The following ARHGEF28 variants were observed in gnomAD, a reference collection of about 807,000 sequenced individuals.
ARHGEF28 encodes the protein Rho guanine nucleotide exchange factor 28.
A neutral mutation model predicts 206.6 loss-of-function variants in ARHGEF28; 152 were observed. The observed-to-expected ratio is 0.74, with a 90% CI of 0.64 to 0.84. The LOEUF is 0.84. Among genes scored for constraint, ARHGEF28 ranks in the 40% least tolerant of loss-of-function variants. The probability of loss-of-function intolerance (pLI) is 0.00; values close to 1 mark genes in which losing one functional copy is unlikely to be tolerated. For synonymous variants in ARHGEF28, 763 were observed against 776.4 expected (o/e 0.98, Z 0.29); for missense variants, 2,028 against 2,073.2 (o/e 0.98, Z 0.42).
At chr5:73,640,331 A>C (rs1743993371) in intron 1 of ARHGEF28, among the ~76,000 whole-genome samples, 2 of 152,194 alleles carry the variant, frequency 1.3e-5, no homozygotes, top group Non-Finnish European at 2.9e-5. Flanking sequence ...CAATGTGAAA[A>C]GCCCCTAAGA....
At chr5:73,764,310 G>A (rs1340441762) in intron 4 of ARHGEF28, among the ~76,000 whole-genome samples, 1 of 152,122 alleles carries the variant, frequency 6.6e-6, no homozygotes, top group Non-Finnish European at 1.5e-5. Flanking sequence ...TTATACTGGT[G>A]GCTATATGCA....
chr5:73,885,861 G>A lies in ARHGEF28; in HGVS notation c.3067G>A (p.Glu1023Lys). Reference protein sequence around the residue: ...ILQYTKERTEEHKDLRKALCL... With the variant: ...ILQYTKERTEKHKDLRKALCL... ...TTTTTCCCACGCAGAAAGAACTGAG[G>A]AACATAAAGACTTACGCAAAGCGCT... Residue 1023 changes from glutamate to lysine, a missense_variant, in exon 25 of 36, where the codon GAA becomes AAA. Glu to Lys is a moderately conservative substitution (Grantham distance 56). Transcript: ENST00000513042. 1 of 1,608,034 alleles carries A rather than the reference G, an allele frequency of 6.2e-7. No homozygotes were observed. Among genetic ancestry groups the A allele is most frequent in the Non-Finnish European group, 8.5e-7 (1 of 1,177,690 alleles).
At chr5:73,679,885 G>A (rs763296716) in intron 1 of ARHGEF28, among the ~76,000 whole-genome samples, 14 of 152,012 alleles carry the variant, frequency 9.2e-5, no homozygotes, top group Non-Finnish European at 1.6e-4. Flanking sequence ...TGGTTACTTC[G>A]CATCTCATTA....
intron 24 of ARHGEF28, 90 bp from the exon 25 acceptor site, chr5:73,885,760 A>G (rs1047795437): frequency 1.6e-5 from 21 of 1,303,312 alleles, no homozygotes; most frequent in East Asian, 5.0e-5. Flanking sequence ...ACATTTAACT[A>G]TATTTTAAAA....
chr5:73,846,389 T>C lies in ARHGEF28; in HGVS notation c.1549T>C (p.Leu517=). 2 of 1,613,976 alleles carry C rather than the reference T, an allele frequency of 1.2e-6. No individual in the cohort carries two copies. The highest frequency in any genetic ancestry group is 1.7e-6 in the Non-Finnish European group (2 of 1,179,864). ...SRTGIPSGDE[L]DSFETNTEPD... ...AACTGGGATTCCTAGTGGGGATGAATTGGACTCTTTTGAGACTAACACTGA... is the reference window on the plus strand; with the variant it reads ...AACTGGGATTCCTAGTGGGGATGAACTGGACTCTTTTGAGACTAACACTGA... The change falls in exon 12 of 36, where the codon TTG becomes CTG. Residue 517 remains leucine, a synonymous_variant. Transcript: ENST00000513042.
chr5:73,794,591 C>A, intron 8 of ARHGEF28, 137 bp downstream of exon 8: 1 of 733,448 alleles, frequency 1.4e-6, no homozygotes, highest in Non-Finnish European at 2.2e-6. Context: ...ATGTGAAATT[C>A]TGTTTTCTTT....
At chr5:73,741,641 A>C (rs1463839934) in intron 2 of ARHGEF28, among the ~76,000 whole-genome samples, 1 of 132,368 alleles carries the variant, frequency 7.6e-6, no homozygotes, top group Non-Finnish European at 1.6e-5. Flanking sequence ...GGCTAGTCTC[A>C]AACTCCCGAC....
chr5:73,741,050 A>G (rs1751348028), intron 2 of ARHGEF28, among the ~76,000 whole-genome samples: 1 of 152,138 alleles, frequency 6.6e-6, no homozygotes, highest in Non-Finnish European at 1.5e-5. Flanking sequence ...TACCCAAGCC[A>G]GTACATTTCC....
chr5:73,807,424 C>T (rs181236764), intron 9 of ARHGEF28, among the ~76,000 whole-genome samples: 8,127 of 151,816 alleles, frequency 0.054, 287 homozygotes, highest in African/African-American at 0.096. Flanking sequence ...TTAAGATATT[C>T]ATCTAGGTAG....
intron 1 of ARHGEF28, among the ~76,000 whole-genome samples, chr5:73,629,423 C>A (rs567719853): frequency 1.3e-5 from 2 of 150,866 alleles, no homozygotes; most frequent in African/African-American, 2.4e-5. Flanking sequence ...GGGAGGATAG[C>A]TTGAGTTGGG....
At chr5:73,659,399 G>A (rs1480006719) in intron 1 of ARHGEF28, among the ~76,000 whole-genome samples, 12 of 152,178 alleles carry the variant, frequency 7.9e-5, no homozygotes, top group East Asian at 1.9e-4. Flanking sequence ...GCATGGTGGC[G>A]GGCACCTGTA....
At chr5:73,661,000 C>T (rs553475163) in intron 1 of ARHGEF28, among the ~76,000 whole-genome samples, 26 of 152,304 alleles carry the variant, frequency 1.7e-4, no homozygotes, top group African/African-American at 6.0e-4. Context: ...TCAGCCTGTC[C>T]TTTGAAGCTT....
intron 29 of ARHGEF28, among the ~76,000 whole-genome samples, chr5:73,895,483 A>T (rs1761910657): frequency 6.6e-6 from 1 of 152,132 alleles, no homozygotes; most frequent in Non-Finnish European, 1.5e-5. Flanking sequence ...GAGTGGTTGT[A>T]ACCTGAGGGC....
At chr5:73,783,345 AGTGTGTGTGTGTGTGTGT>A (rs57320048) in intron 7 of ARHGEF28, among the ~76,000 whole-genome samples, 7 of 145,918 alleles carry the variant, frequency 4.8e-5, no homozygotes, top group East Asian at 4.1e-4. Flanking sequence ...CCTGGAATAT[AGTGTGTGTGTGTGTGTGT>A]GTGTGTGTGT....
At chr5:73,799,720 T>C (rs1298972338) in intron 9 of ARHGEF28, among the ~76,000 whole-genome samples, 4 of 152,088 alleles carry the variant, frequency 2.6e-5, no homozygotes, top group African/African-American at 9.7e-5. Flanking sequence ...AAATGAAGGG[T>C]TGGTGAAACT....
intron 24 of ARHGEF28, 98 bp from the exon 25 acceptor site, chr5:73,885,752 A>T: frequency 8.0e-7 from 1 of 1,253,430 alleles, no homozygotes; most frequent in Non-Finnish European, 1.1e-6. Context: ...TAGATGATAC[A>T]TTTAACTATA....
intron 9 of ARHGEF28, among the ~76,000 whole-genome samples, chr5:73,802,217 C>T (rs1049797588): frequency 1.4e-5 from 2 of 147,082 alleles, no homozygotes; most frequent in African/African-American, 5.2e-5. Flanking sequence ...GATGATTAAA[C>T]CTTTAAAAGT....
chr5:73,883,854 T>C lies in ARHGEF28; in HGVS notation c.3025T>C (p.Leu1009=). The C allele has an allele frequency of 1.3e-6, 2 of 1,570,584 alleles. No homozygotes were observed. Among genetic ancestry groups the C allele is most frequent in the Non-Finnish European group, 1.7e-6 (2 of 1,157,670 alleles). Residue 1009 remains leucine, a synonymous_variant, in exon 24 of 36, where the codon TTG becomes CTG. Transcript: ENST00000513042. ...VTQRITKYPV[L]VERILQYTKE... is the part of the protein sequence containing the mutation. ...TCAGCGTATTACAAAATACCCTGTC[T>C]TGGTGGAAAGGATATTGCAGTACAC... is the stretch of plus-strand genomic sequence containing the variant.
At chr5:73,835,865 T>A (rs73118601) in intron 10 of ARHGEF28, among the ~76,000 whole-genome samples, 16,494 of 152,148 alleles carry the variant, frequency 0.11, 975 homozygotes, top group Non-Finnish European at 0.13. Context: ...CAGAATTGAA[T>A]TGAACTGAAT....
Sources: gnomAD v4.1 joint callset for allele counts (sites outside exome capture counted in the v4.1 genomes callset) on GRCh38, gnomAD v4.1.1 for gene constraint, MANE v1.5 for transcripts, NCBI Gene and HGNC (gene_info 2026-07-23, HGNC 2026-07-21) for gene names.